The following SGMS1 variants were observed in gnomAD, a reference collection of about 807,000 sequenced individuals.
SGMS1 encodes sphingomyelin synthase 1.
Under a neutral mutation model 46.2 loss-of-function variants are expected in SGMS1, and 13 were observed. The ratio of observed to expected loss-of-function variants is 0.28; its 90% CI spans 0.18 to 0.45. The LOEUF (loss-of-function observed/expected upper bound fraction) is 0.45. SGMS1 is among the 20% of genes least tolerant of loss of function. The pLI, the probability that SGMS1 is intolerant of heterozygous loss-of-function variation, is 1.00. For synonymous variants in SGMS1, 203 were observed against 187.8 expected (o/e 1.08, Z -0.66); for missense variants, 324 against 519.9 (o/e 0.62, Z 3.66).
intron 2 of SGMS1, among the ~76,000 whole-genome samples, chr10:50,556,977 G>A (rs192610014): frequency 5.3e-5 from 8 of 152,258 alleles, no homozygotes; most frequent in East Asian, 3.9e-4. Context: ...TGTTCTAAGC[G>A]TGAGTTCGAT....
intron 3 of SGMS1, among the ~76,000 whole-genome samples, chr10:50,475,937 C>G (rs528320423): frequency 6.6e-6 from 1 of 151,696 alleles, no homozygotes; most frequent in Admixed American, 6.6e-5. Context: ...TTCTTTATAG[C>G]AGTACAAGAA....
At chr10:50,351,756 A>G (rs1848022335) in intron 6 of SGMS1, among the ~76,000 whole-genome samples, 1 of 152,216 alleles carries the variant, frequency 6.6e-6, no homozygotes, top group Non-Finnish European at 1.5e-5. Flanking sequence ...CCAATTAAAT[A>G]TCTTTTTCTT....
At chr10:50,368,610 C>T (rs552540717) in intron 6 of SGMS1, among the ~76,000 whole-genome samples, 1 of 152,326 alleles carries the variant, frequency 6.6e-6, no homozygotes, top group African/African-American at 2.4e-5. Context: ...CCCTCCTTGG[C>T]CTCCCAAAGT....
chr10:50,407,641 C>CT (rs998615570), intron 6 of SGMS1, among the ~76,000 whole-genome samples: 11 of 151,942 alleles, frequency 7.2e-5, no homozygotes, highest in South Asian at 2.1e-4. Context: ...ATAAGAGTGG[C>CT]TTTTTTTTCC....
intron 2 of SGMS1, among the ~76,000 whole-genome samples, chr10:50,589,545 C>CAG (rs1838520027): frequency 1.3e-5 from 2 of 152,198 alleles, no homozygotes; most frequent in Non-Finnish European, 2.9e-5. Context: ...TCACGGCTCA[C>CAG]TACAGCCTCG....
Position 50,307,508 on chromosome 10 carries a change from G to A in SGMS1, c.1063-187C>T, listed in dbSNP as rs1364371981. ...CTACAAACTGAGCCACATCCCAGTA[G>A]AAAAACAACGCCAATTCTGGGAGGG... On this transcript the variant is annotated intron_variant, in intron 10 of 10. Transcript: ENST00000361781. The surrounding 1 kb of genome is among the most constrained non-coding windows in gnomAD (Gnocchi z 4.2). Among the ~76,000 whole-genome samples, 2 of 152,092 alleles carry A rather than the reference G, an allele frequency of 1.3e-5. No individual in the cohort carries two copies. The highest frequency in any genetic ancestry group is 4.8e-5 in the African/African-American group (2 of 41,400).
intron 2 of SGMS1, among the ~76,000 whole-genome samples, chr10:50,536,265 C>A (rs902337002): frequency 1.3e-5 from 2 of 151,960 alleles, no homozygotes; most frequent in African/African-American, 4.8e-5. Flanking sequence ...CCCAGGAGAT[C>A]AAGGCTGCAG....
At chr10:50,319,470 T>C (rs117252309) in intron 8 of SGMS1, among the ~76,000 whole-genome samples, 2,415 of 152,350 alleles carry the variant, frequency 0.016, 27 homozygotes, top group Non-Finnish European at 0.026. Flanking sequence ...TACTCGATAG[T>C]GTCAACAATG....
At chr10:50,326,731 A>G (rs1222126805) in intron 8 of SGMS1, among the ~76,000 whole-genome samples, 1 of 152,184 alleles carries the variant, frequency 6.6e-6, no homozygotes, top group African/African-American at 2.4e-5. Flanking sequence ...GAGAAAATCA[A>G]TAAGGCAATA....
chr10:50,311,434 A>G lies in SGMS1; in HGVS notation c.742-19T>C, dbSNP rs1847250003. The G allele has an allele frequency of 6.2e-7, 1 of 1,609,992 alleles. No individual in the cohort carries two copies. Among genetic ancestry groups the G allele is most frequent in the Admixed American group, 1.7e-5 (1 of 59,180 alleles). On this transcript the variant is annotated intron_variant, in intron 8 of 10. Coordinates refer to ENST00000361781, the MANE Select transcript of SGMS1 (RefSeq NM_147156.4). ...CGAAAAGCTGGCAGAAAAAAAGAAA[A>G]GAAGAAAAAGAAGATTCATTACGAG...
At chr10:50,574,164 T>C (rs548312442) in intron 2 of SGMS1, among the ~76,000 whole-genome samples, 1 of 103,794 alleles carries the variant, frequency 9.6e-6, no homozygotes, top group South Asian at 3.0e-4. Context: ...AAAGCAAAAA[T>C]AGATATGGTA....
upstream of SGMS1, chr10:50,624,557 A>G (rs1271635991): frequency 9.7e-5 from 95 of 976,802 alleles, no homozygotes; most frequent in Middle Eastern, 5.2e-4. Context: ...TAACCGCGCG[A>G]GGTGAAAACT....
At position 50,526,277 on chromosome 10, in the gene SGMS1, G is replaced by C. The variant is rs188199351; in HGVS notation, c.-588-6356C>G. Among the ~76,000 whole-genome samples the C allele has an allele frequency of 4.8e-3, 732 of 152,244 alleles. 5 individuals are homozygous for C. The highest frequency in any genetic ancestry group is 0.017 in the African/African-American group (686 of 41,536). ...CACCTTCTTCTAATGGCAGCAGGAG[G>C]GGGTGGTCGGTGGGGGAAGTGCCAC... On this transcript the variant is annotated intron_variant, in intron 2 of 10. Coordinates refer to ENST00000361781, the MANE Select transcript of SGMS1 (RefSeq NM_147156.4).
At chr10:50,578,843 C>A (rs1458017360) in intron 2 of SGMS1, among the ~76,000 whole-genome samples, 1 of 152,082 alleles carries the variant, frequency 6.6e-6, no homozygotes, top group East Asian at 1.9e-4. Flanking sequence ...GATAATAGGA[C>A]AAAGATTAAA....
Position 50,372,334 on chromosome 10 carries a change from A to G in SGMS1, c.-231-27989T>C, listed in dbSNP as rs150519975. On this transcript the variant is annotated intron_variant, in intron 6 of 10. Transcript: ENST00000361781. The stretch of plus-strand genomic sequence containing the variant: ...CTTTTCCCCAAATATAAAAAAGAAC[A>G]AACCTATAAACTGGAGATTTCATCA... Among the ~76,000 whole-genome samples the G allele has an allele frequency of 1.7e-3, 256 of 152,368 alleles. 5 individuals are homozygous for G. In the East Asian group the frequency reaches 0.037, roughly 22 times the overall value.
At chr10:50,410,240 TG>T (rs1849077633) in intron 6 of SGMS1, among the ~76,000 whole-genome samples, 2 of 152,170 alleles carry the variant, frequency 1.3e-5, no homozygotes, top group Non-Finnish European at 2.9e-5. Flanking sequence ...AATATTATGA[TG>T]GTCATGACAC....
intron 6 of SGMS1, among the ~76,000 whole-genome samples, chr10:50,401,956 CA>C (rs1848946381): frequency 6.6e-6 from 1 of 152,186 alleles, no homozygotes; most frequent in South Asian, 2.1e-4. Flanking sequence ...GCTAAAGATG[CA>C]AAAGATGGAC....
intron 2 of SGMS1, among the ~76,000 whole-genome samples, chr10:50,568,271 T>A (rs1270482667): frequency 6.6e-6 from 1 of 152,106 alleles, no homozygotes; most frequent in Non-Finnish European, 1.5e-5. Flanking sequence ...TTACATAGCA[T>A]CAAACAGAGC....
At chr10:50,374,977 G>A (rs1490395170) in intron 6 of SGMS1, among the ~76,000 whole-genome samples, 2 of 152,108 alleles carry the variant, frequency 1.3e-5, no homozygotes, top group Non-Finnish European at 2.9e-5. Context: ...CAGGTGAAAA[G>A]TAAGATAATC....
Sources: allele counts gnomAD v4.1 joint callset (sites outside exome capture counted in the v4.1 genomes callset), GRCh38; gene constraint gnomAD v4.1.1; non-coding constraint Gnocchi (gnomAD v3.1); transcripts MANE v1.5; gene names NCBI Gene and HGNC (gene_info 2026-07-23, HGNC 2026-07-21).